Variants in ADI1 observed in about 807,000 individuals in gnomAD.
ADI1 encodes acireductone dioxygenase.
ADI1 carries 21 observed loss-of-function variants against 18.7 expected under a neutral mutation model. The observed-to-expected ratio is 1.13, with a 90% CI of 0.80 to 1.62. The LOEUF (loss-of-function observed/expected upper bound fraction) is 1.62, where lower values mean the gene tolerates loss of function less well. ADI1 is among the 40% of genes most tolerant of loss of function. The pLI is 0.00. For synonymous variants in ADI1, 90 were observed against 100.1 expected (o/e 0.90, Z 0.60); for missense variants, 245 against 254.9 (o/e 0.96, Z 0.26).
chr2:3,507,189 G>A (rs1443447610), intron 2 of ADI1, among the ~76,000 whole-genome samples: 1 of 152,186 alleles, frequency 6.6e-6, no homozygotes, highest in Non-Finnish European at 1.5e-5. Flanking sequence ...GCCCTGAACT[G>A]TGGAACAATT....
At chr2:3,505,982 C>T (rs1667168182) in intron 2 of ADI1, among the ~76,000 whole-genome samples, 3 of 152,230 alleles carry the variant, frequency 2.0e-5, no homozygotes, top group Admixed American at 2.0e-4. Context: ...TTGGGCGTCC[C>T]TGCCTGCAGA....
intron 2 of ADI1, among the ~76,000 whole-genome samples, chr2:3,501,541 A>AT (rs61237896): frequency 0.01 from 1,544 of 147,766 alleles, 22 homozygotes; most frequent in African/African-American, 0.036. Flanking sequence ...ACTTTTGTGT[A>AT]TTTTTTTTTT....
intron 2 of ADI1, 57 bp downstream of exon 2, chr2:3,513,800 T>C: frequency 6.6e-7 from 1 of 1,507,538 alleles, no homozygotes; most frequent in African/African-American, 1.4e-5. Flanking sequence ...AAATATTGCG[T>C]CTATTAGTAG....
chr2:3,513,709 T>C lies in ADI1; in HGVS notation c.240+148A>G, dbSNP rs573279691. On this transcript the variant is annotated intron_variant, in intron 2 of 3. Transcript: ENST00000327435. ...CTGTGGGCCAATTAAATCTCTTTTC[T>C]TATAAATTACACAGTTTCAGGTATT... 77 of 867,524 alleles carry C rather than the reference T, an allele frequency of 8.9e-5. 1 individual carries two copies. The African/African-American group carries it at 1.3e-3, about 14-fold the overall frequency. The allele number at this position is 867,524 out of a possible 1,614,324, so 53.7% of individuals were successfully genotyped here.
intron 2 of ADI1, among the ~76,000 whole-genome samples, chr2:3,510,359 A>G (rs900853104): frequency 4.6e-5 from 7 of 152,132 alleles, no homozygotes; most frequent in African/African-American, 1.7e-4. Context: ...AATGACAAAG[A>G]AAGAACTCAA....
intron 2 of ADI1, 54 bp downstream of exon 2, chr2:3,513,803 A>G (rs1469442604): frequency 6.5e-7 from 1 of 1,536,058 alleles, no homozygotes; most frequent in African/African-American, 1.4e-5. Context: ...TATTGCGTCT[A>G]TTAGTAGTGA....
chr2:3,514,807 C>A, intron 1 of ADI1: 1 of 1,548,846 alleles, frequency 6.5e-7, no homozygotes, highest in Non-Finnish European at 8.7e-7. Flanking sequence ...TCACTACTTA[C>A]TGAACAACAA....
rs1187383874 is a variant in ADI1 at position 3,499,090 on chromosome 2, A to G, written c.421-8T>C. 6.2e-7 allele frequency: 1 copy of G among 1,612,048 alleles called. No individual in the cohort carries two copies. The highest frequency in any genetic ancestry group is 8.5e-7 in the Non-Finnish European group (1 of 1,178,384). On this transcript the variant is annotated splice_polypyrimidine_tract_variant and splice_region_variant and intron_variant, in intron 3 of 3. Coordinates refer to ENST00000327435, the MANE Select transcript of ADI1 (RefSeq NM_018269.4). ...CATGGCCTTCGTGTAGTTCTGGAAA[A>G]CAGACAAACACACCCAGCATCTCAT...
At chr2:3,501,034 T>TG (rs1666993737) in intron 2 of ADI1, 41 bp from the exon 3 acceptor site, 1 of 1,524,782 alleles carries the variant, frequency 6.6e-7, no homozygotes, top group South Asian at 1.3e-5. Context: ...ACCAGAGACC[T>TG]GTCACGCAAG....
rs1416590062 is a variant in ADI1, at chr2:3,498,996, C to A, written c.507G>T (p.Gly169=). The part of the protein sequence containing the change: ...NRPADHFEAR[G]QYVKFLAQTA ...TCTGTGCCAGAAATTTCACGTACTG[C>A]CCGCGGGCTTCAAAATGGTCAGCGG... The change falls in exon 4 of 4, where the codon GGG becomes GGT. Residue 169 remains glycine, a synonymous_variant. Transcript: ENST00000327435. The A allele has an allele frequency of 6.2e-7, 1 of 1,613,970 alleles. No individual in the cohort carries two copies. Among genetic ancestry groups the A allele is most frequent in the Admixed American group, 1.7e-5 (1 of 60,022 alleles).
At chr2:3,519,271 C>A in intron 1 of ADI1, 97 bp downstream of exon 1, 2 of 1,307,254 alleles carry the variant, frequency 1.5e-6, no homozygotes, top group Non-Finnish European at 1.9e-6. Context: ...TGCCGCGGCT[C>A]CCAGGCCGCT....
intron 2 of ADI1, among the ~76,000 whole-genome samples, chr2:3,503,301 A>AACACTCACTCATGTGCATT (rs1667074125): frequency 7.4e-6 from 1 of 135,100 alleles, no homozygotes; most frequent in Non-Finnish European, 1.5e-5. Context: ...ATGCACACAT[A>AACACTCACTCATGTGCATT]CACACTGACA....
chr2:3,502,175 A>C (rs1201283896), intron 2 of ADI1, among the ~76,000 whole-genome samples: 1 of 151,888 alleles, frequency 6.6e-6, no homozygotes, highest in African/African-American at 2.4e-5. Context: ...ACAGGCGTGC[A>C]CTACCATACC....
At chr2:3,516,937 A>G in intron 1 of ADI1, 1 of 985,164 alleles carries the variant, frequency 1.0e-6, no homozygotes, top group Non-Finnish European at 1.2e-6. Context: ...TTTTTTAGAG[A>G]TGAGGTCTCA....
chr2:3,510,931 G>A lies in ADI1; in HGVS notation c.240+2926C>T, dbSNP rs146407881. Among the ~76,000 whole-genome samples, 684 of 152,334 alleles carry A rather than the reference G, an allele frequency of 4.5e-3. 8 individuals carry two copies. Among genetic ancestry groups the A allele is most frequent in the African/African-American group, 0.015 (642 of 41,580 alleles). ...GGGACTACTTTCCAGCTCATTTTAT[G>A]AGATCAGAATTACTCTGATATGAAA... On this transcript the variant is annotated intron_variant, in intron 2 of 3. Transcript: ENST00000327435.
At chr2:3,499,813 G>A (rs1039729926) in intron 3 of ADI1, among the ~76,000 whole-genome samples, 3 of 152,100 alleles carry the variant, frequency 2.0e-5, no homozygotes, top group Non-Finnish European at 2.9e-5. Context: ...AAAGTAAAAT[G>A]TAGAACCATG....
rs749117827 is a variant in ADI1, at chr2:3,500,915, C to A, written c.319G>T (p.Val107Leu). The change falls in exon 3 of 4, where the codon GTG becomes TTG. Residue 107 changes from valine (V) to leucine (L), a missense_variant. Transcript: ENST00000327435. ...YILDGSGYFD[V>L]RDKEDQWIRI... is the part of the protein sequence containing the mutation. Reference sequence around the variant, plus strand: ...ATCCACTGGTCCTCCTTGTCCCTCACATCGAAGTACCCACTGCCATCCAGG... The same window carrying A: ...ATCCACTGGTCCTCCTTGTCCCTCAAATCGAAGTACCCACTGCCATCCAGG... The A allele has an allele frequency of 6.2e-7, 1 of 1,614,200 alleles. No homozygotes were observed. The highest frequency in any genetic ancestry group is 8.5e-7 in the Non-Finnish European group (1 of 1,180,026).
chr2:3,500,669 G>C, intron 3 of ADI1, 145 bp downstream of exon 3: 1 of 1,103,806 alleles, frequency 9.1e-7, no homozygotes, highest in Non-Finnish European at 1.3e-6. Context: ...CGGCTCCACA[G>C]ACTCTCCTTG....
intron 2 of ADI1, among the ~76,000 whole-genome samples, chr2:3,509,567 A>C (rs1353542988): frequency 6.6e-6 from 1 of 152,224 alleles, no homozygotes; most frequent in Admixed American, 6.5e-5. Flanking sequence ...ATCTAAAAAC[A>C]AAACAAAACA....
Sources: gnomAD v4.1 joint callset for allele counts (sites outside exome capture counted in the v4.1 genomes callset) on GRCh38, gnomAD v4.1.1 for gene constraint, MANE v1.5 for transcripts, NCBI Gene and HGNC (gene_info 2026-07-23, HGNC 2026-07-21) for gene names.